LARS2: variants seen among roughly 807,000 people sequenced by gnomAD.
LARS2 encodes the protein leucine--tRNA ligase, mitochondrial.
In LARS2, 81 loss-of-function variants were observed where a neutral mutation model predicts 116.6. That is an observed-to-expected ratio of 0.69 (90% CI 0.58 to 0.84). LARS2 has a LOEUF of 0.84. Ranked by LOEUF, LARS2 falls within the 40% of genes least tolerant of loss-of-function variation. The probability of loss-of-function intolerance (pLI) is 0.00; values close to 1 mark genes in which losing one functional copy is unlikely to be tolerated. For synonymous variants in LARS2, 396 were observed against 407.2 expected, an observed-to-expected ratio of 0.97 and a Z score of 0.33; for missense variants, 968 against 1,114.5, an observed-to-expected ratio of 0.87 and a Z score of 1.87.
intron 20 of LARS2, among the ~76,000 whole-genome samples, chr3:45,527,885 G>A (rs1700554125): frequency 6.6e-6 from 1 of 152,178 alleles, no homozygotes; most frequent in South Asian, 2.1e-4. Context: ...GAATAATATG[G>A]CCTAGCTATG....
chr3:45,415,874 T>TAGAG (rs1559461317), intron 4 of LARS2, among the ~76,000 whole-genome samples: 1 of 79,372 alleles, frequency 1.3e-5, no homozygotes, highest in African/African-American at 8.7e-5. Context: ...TATATATATA[T>TAGAG]ATAGAGAGAG....
chr3:45,530,028 C>T (rs779019554), intron 20 of LARS2, among the ~76,000 whole-genome samples: 22 of 152,204 alleles, frequency 1.4e-4, no homozygotes, highest in Admixed American at 6.5e-4. Context: ...CAAAACACGA[C>T]TTCAGAGAGT....
intron 20 of LARS2, among the ~76,000 whole-genome samples, chr3:45,525,407 T>A (rs1370775878): frequency 6.6e-6 from 1 of 152,216 alleles, no homozygotes; most frequent in Non-Finnish European, 1.5e-5. Flanking sequence ...ATGTACCATA[T>A]CTACAGTTTC....
chr3:45,458,782 G>A lies in LARS2; in HGVS notation c.646G>A (p.Ala216Thr). Residue 216 changes from alanine (A) to threonine (T), a missense_variant, in exon 8 of 22, where the codon GCC becomes ACC. Physicochemically the swap from Ala to Thr is moderately conservative, Grantham distance 58. Coordinates refer to ENST00000645846, the MANE Select transcript of LARS2 (RefSeq NM_015340.4). The stretch of plus-strand genomic sequence containing the variant: ...GGACCCAGTGGATCAAACAGTGCTT[G>A]CCAATGAGCAGGTGGATGAACATGG... Reference protein sequence around the residue: ...NWDPVDQTVLANEQVDEHGCS... With the variant: ...NWDPVDQTVLTNEQVDEHGCS... 1 of 1,614,170 alleles carries A rather than the reference G, an allele frequency of 6.2e-7. No individual in the cohort carries two copies. Among genetic ancestry groups the A allele is most frequent in the Admixed American group, 1.7e-5 (1 of 60,024 alleles).
At position 45,458,805 on chromosome 3, in the gene LARS2, T is replaced by C. The variant is rs1699259479; in HGVS notation, c.669T>C (p.His223=). The C allele has an allele frequency of 1.1e-5, 17 of 1,613,398 alleles. No individual in the cohort carries two copies. The highest frequency in any genetic ancestry group is 1.3e-5 in the Non-Finnish European group (15 of 1,179,468). The part of the protein sequence containing the change: ...TVLANEQVDE[H]GCSWRSGAKV... ...TTGCCAATGAGCAGGTGGATGAACATGGCTGTTCATGGCGTTCTGGAGCAA... is the reference window on the plus strand; with the variant it reads ...TTGCCAATGAGCAGGTGGATGAACACGGCTGTTCATGGCGTTCTGGAGCAA... Residue 223 remains histidine (H), a synonymous_variant, in exon 8 of 22, where the codon CAT becomes CAC. Transcript: ENST00000645846.
At chr3:45,444,659 G>A (rs868744438) in intron 6 of LARS2, among the ~76,000 whole-genome samples, 77 of 48,146 alleles carry the variant, frequency 1.6e-3, no homozygotes, top group African/African-American at 3.9e-3. Flanking sequence ...GCGAGACTCC[G>A]TCTCAAAAAA....
At chr3:45,522,676 G>A (rs1364223494) in intron 19 of LARS2, among the ~76,000 whole-genome samples, 1 of 152,102 alleles carries the variant, frequency 6.6e-6, no homozygotes, top group Non-Finnish European at 1.5e-5. Context: ...GTAGGCAGAG[G>A]TTGCAGTGAG....
intron 20 of LARS2, among the ~76,000 whole-genome samples, chr3:45,532,413 C>T (rs1326000817): frequency 6.6e-6 from 1 of 152,110 alleles, no homozygotes; most frequent in East Asian, 1.9e-4. Context: ...TAATTGATTG[C>T]CTAATATTGA....
chr3:45,466,743 A>G (rs1332042136), intron 8 of LARS2, among the ~76,000 whole-genome samples: 3 of 152,088 alleles, frequency 2.0e-5, no homozygotes, highest in Admixed American at 6.5e-5. Context: ...TTGAGACCGA[A>G]TCTCACTCTG....
intron 6 of LARS2, among the ~76,000 whole-genome samples, chr3:45,427,825 C>CT (rs11456888): frequency 0.26 from 37,323 of 141,648 alleles, 5,003 homozygotes; most frequent in Middle Eastern, 0.38. Flanking sequence ...CCTTTTTTTT[C>CT]TTTTTTTTTT....
At chr3:45,498,688 C>G (rs1700061191) in intron 14 of LARS2, among the ~76,000 whole-genome samples, 1 of 152,208 alleles carries the variant, frequency 6.6e-6, no homozygotes, top group Non-Finnish European at 1.5e-5. Flanking sequence ...CAAAGGTTTG[C>G]TTGATTGGCT....
intron 8 of LARS2, among the ~76,000 whole-genome samples, chr3:45,463,350 C>G (rs1279718554): frequency 6.6e-6 from 1 of 152,208 alleles, no homozygotes. Context: ...CATAAGCATG[C>G]CTTCATGGTG....
chr3:45,526,515 G>A (rs1005040090), intron 20 of LARS2, among the ~76,000 whole-genome samples: 3 of 152,140 alleles, frequency 2.0e-5, no homozygotes, highest in Admixed American at 6.6e-5. Flanking sequence ...CTTGATCAAA[G>A]TCAAGTCATC....
rs1386236309 is a variant in LARS2 at position 45,394,396 on chromosome 3, AG to A, written c.-21-35del. ...AAAGATAAGCTCTGGGGAGGGTTTG[AG>A]GCAGCTCATAGTGTGCTTTCTGCCC... On this transcript the variant is annotated intron_variant, in intron 2 of 21. Transcript: ENST00000645846. 3 of 1,214,272 alleles carry A rather than the reference AG, an allele frequency of 2.5e-6. No homozygotes were observed. In the African/African-American group the frequency reaches 4.5e-5, roughly 18 times the overall value. The allele number at this position is 1,214,272 out of a possible 1,614,324, so 75.2% of individuals were successfully genotyped here.
intron 6 of LARS2, among the ~76,000 whole-genome samples, chr3:45,440,400 C>A (rs969845979): frequency 6.6e-6 from 1 of 152,158 alleles, no homozygotes; most frequent in Non-Finnish European, 1.5e-5. Flanking sequence ...AGCATGTGAA[C>A]AACTCTCCTC....
In LARS2 at chr3:45,517,469, G is replaced by A. The variant is rs1319486955; in HGVS notation, c.2045-434G>A. 2.0e-5 allele frequency among the ~76,000 whole-genome samples: 3 copies of A among 152,252 alleles called. No individual in the cohort carries two copies. In the East Asian group the frequency reaches 5.8e-4, roughly 29 times the overall value. On this transcript the variant is annotated intron_variant, in intron 17 of 21. Transcript: ENST00000645846. ...CCAATGCACTTCACACTCTACAGCA[G>A]TGTGGCTGCAAGCACAGTCATGCTA...
At position 45,402,005 on chromosome 3, in the gene LARS2, G is replaced by A. The variant is rs553891047; in HGVS notation, c.363+1632G>A. Among the ~76,000 whole-genome samples the A allele has an allele frequency of 5.3e-5, 8 of 152,220 alleles. No homozygotes were observed. The South Asian group carries it at 6.2e-4, about 12-fold the overall frequency. On this transcript the variant is annotated intron_variant, in intron 4 of 21. Transcript: ENST00000645846. The stretch of plus-strand genomic sequence containing the variant: ...CATAATATCTTCTTTATCCACCTAC[G>A]AAATATGGCAGTATTCAAGAAGGGC...
At chr3:45,491,941 C>A in intron 13 of LARS2, 141 bp downstream of exon 13, 1 of 770,622 alleles carries the variant, frequency 1.3e-6, no homozygotes, top group Non-Finnish European at 2.0e-6. Flanking sequence ...CACTGTGGGT[C>A]TTTGGGGCCC....
intron 13 of LARS2, among the ~76,000 whole-genome samples, chr3:45,493,101 T>C (rs1255691632): frequency 2.0e-5 from 3 of 151,650 alleles, no homozygotes; most frequent in African/African-American, 7.3e-5. Flanking sequence ...GCTCCCTGGA[T>C]GATCTTTTTT....
Sources: gnomAD v4.1 joint callset for allele counts (sites outside exome capture counted in the v4.1 genomes callset) on GRCh38, gnomAD v4.1.1 for gene constraint, MANE v1.5 for transcripts, NCBI Gene and HGNC (gene_info 2026-07-23, HGNC 2026-07-21) for gene names.